Variants in ERBB2 observed in about 807,000 individuals in gnomAD.
ERBB2 encodes receptor tyrosine-protein kinase erbB-2.
In ERBB2, 61 loss-of-function variants were observed where a neutral mutation model predicts 149.0. That is an observed-to-expected ratio of 0.41 (90% CI 0.33 to 0.51). The LOEUF (loss-of-function observed/expected upper bound fraction) is 0.51. ERBB2 is among the 20% of genes least tolerant of loss of function. The pLI is 0.25. For synonymous variants in ERBB2, 633 were observed against 678.8 expected (o/e 0.93, Z 1.05); for missense variants, 1,205 against 1,655.1 (o/e 0.73, Z 4.72).
At chr17:39,707,541 T>G in intron 2 of ERBB2, 1 of 168,916 alleles carries the variant, frequency 5.9e-6, no homozygotes, top group East Asian at 1.6e-4. Context: ...TACACCCCCT[T>G]AGCTTCACTG....
At chr17:39,694,637 G>A (rs1225263493), upstream of ERBB2, 1 of 152,150 alleles carries the variant, frequency 6.6e-6, no homozygotes, top group Non-Finnish European at 1.5e-5. Flanking sequence ...ATTGTCCCCT[G>A]AAATCAAGAC....
At chr17:39,720,034 A>G in intron 16 of ERBB2, 200 bp downstream of exon 16, 1 of 588,916 alleles carries the variant, frequency 1.7e-6, no homozygotes, top group Non-Finnish European at 3.1e-6. Context: ...ACTGCAAGGA[A>G]AGATGGCTAG....
chr17:39,691,558 T>A (rs201797794), upstream of ERBB2, among the ~76,000 whole-genome samples: 17,449 of 72,114 alleles, frequency 0.24, 2,470 homozygotes, highest in African/African-American at 0.46. Context: ...AAAAAAAAAA[T>A]ATATATATAT....
At chr17:39,715,419 T>C (rs1241403584) in intron 10 of ERBB2, 27 bp from the exon 11 acceptor site, 2 of 1,613,732 alleles carry the variant, frequency 1.2e-6, no homozygotes, top group Non-Finnish European at 1.7e-6. Context: ...CTGTCCCCAC[T>C]CCTTTAATCT....
intron 15 of ERBB2, 71 bp from the exon 16 acceptor site, chr17:39,719,716 T>C (rs2059345797): frequency 1.3e-6 from 2 of 1,495,272 alleles, no homozygotes; most frequent in Non-Finnish European, 1.9e-6. Flanking sequence ...CCCAGGGTTG[T>C]TGTGAGGCTG....
rs147382623 is a variant in ERBB2, at chr17:39,715,524, G to A, written c.1301G>A (p.Arg434Gln). 1.8e-5 allele frequency: 29 copies of A among 1,614,032 alleles called. No homozygotes were observed. Among genetic ancestry groups the A allele is most frequent in the African/African-American group, 2.7e-5 (2 of 74,936 alleles). ...CAGAACCTGCAAGTAATCCGGGGAC[G>A]AATTCTGCACAAGTGAGCACTGAGA... ...VFQNLQVIRG[R>Q]ILHNGAYSLT... Residue 434 changes from arginine to glutamine, a missense_variant, in exon 11 of 27, where the codon CGA becomes CAA. Transcript: ENST00000269571.
Position 39,716,183 on chromosome 17 carries a change from C to T in ERBB2, c.1514-118C>T, listed in dbSNP as rs544804690. ...CTCAGAACTCTTCCTCTCCCTACAT[C>T]GGCCCCACCTGTCCCCACCCCTCCA... On this transcript the variant is annotated intron_variant, in intron 12 of 26. Transcript: ENST00000269571. 3.3e-4 allele frequency: 379 copies of T among 1,159,378 alleles called. 2 individuals carry two copies. In the African/African-American group the frequency reaches 5.1e-3, roughly 15 times the overall value. The allele number at this position is 1,159,378 out of a possible 1,614,324, so 71.8% of individuals were successfully genotyped here. A position where few individuals can be genotyped will look rare whatever the true frequency, so the allele number is the denominator to read the frequency against.
At chr17:39,699,708 A>G (rs2057973377), upstream of ERBB2, 3 of 734,360 alleles carry the variant, frequency 4.1e-6, no homozygotes, top group South Asian at 3.2e-5. Context: ...CTCCCCAGGA[A>G]AGTTTAAGAT....
chr17:39,700,336 G>A lies in ERBB2; in HGVS notation c.73+25G>A, dbSNP rs183744676. On this transcript the variant is annotated intron_variant, in intron 1 of 26. Coordinates refer to ENST00000269571, the MANE Select transcript of ERBB2 (RefSeq NM_004448.4). ...GGTGGGTCTGGTGTGGGGAGGGGACGGAGCAGCGGCGGGACCCTGCCCTGT... is the reference window on the plus strand; with the variant it reads ...GGTGGGTCTGGTGTGGGGAGGGGACAGAGCAGCGGCGGGACCCTGCCCTGT... The A allele has an allele frequency of 1.6e-4, 216 of 1,340,730 alleles. 2 individuals are homozygous for A. The East Asian group carries it at 5.7e-3, about 36-fold the overall frequency. 83.1% of individuals were successfully genotyped at this position (1,340,730 alleles called of 1,614,324 possible).
intron 2 of ERBB2, among the ~76,000 whole-genome samples, chr17:39,689,708 C>T (rs2057649616): frequency 6.6e-6 from 1 of 151,960 alleles, no homozygotes; most frequent in South Asian, 2.1e-4. Flanking sequence ...GAGTTTGAGA[C>T]CAGCCTGACC....
At chr17:39,691,686 A>G (rs2145191985), upstream of ERBB2, among the ~76,000 whole-genome samples, 1 of 149,346 alleles carries the variant, frequency 6.7e-6, no homozygotes, top group Non-Finnish European at 1.5e-5. Flanking sequence ...GTTTAAGTAC[A>G]GTTATTTGTG....
At chr17:39,711,262 G>T (rs961967867) in intron 7 of ERBB2, among the ~76,000 whole-genome samples, 1 of 151,978 alleles carries the variant, frequency 6.6e-6, no homozygotes, top group Non-Finnish European at 1.5e-5. Context: ...TGCAATTTTG[G>T]CTCACTGCAA....
Position 39,727,496 on chromosome 17 carries a change from C to A in ERBB2, c.3361C>A (p.Pro1121Thr), listed in dbSNP as rs2143254884. 6.2e-7 allele frequency: 1 copy of A among 1,606,616 alleles called. No individual in the cohort carries two copies. The highest frequency in any genetic ancestry group is 8.5e-7 in the Non-Finnish European group (1 of 1,177,852). ...RYSEDPTVPL[P>T]SETDGYVAPL... is the part of the protein sequence containing the mutation. ...CAGTGAGGACCCCACAGTACCCCTG[C>A]CCTCTGAGACTGATGGCTACGTTGC... Residue 1121 changes from proline to threonine, a missense_variant, in exon 26 of 27, where the codon CCC becomes ACC. Physicochemically the swap from Pro to Thr is conservative, Grantham distance 38. This residue lies in a region of ERBB2 where 312 missense variants were observed against 343.8 expected (regional missense o/e 0.91). Coordinates refer to ENST00000269571, the MANE Select transcript of ERBB2 (RefSeq NM_004448.4). This position sits in a 1 kb window ranked among gnomAD's most constrained non-coding sequence, Gnocchi z 4.3.
chr17:39,707,022 C>T lies in ERBB2; in HGVS notation c.106C>T (p.Pro36Ser), dbSNP rs2145405434. 1.2e-6 allele frequency: 2 copies of T among 1,600,984 alleles called. No individual in the cohort carries two copies. The highest frequency in any genetic ancestry group is 2.3e-5 in the East Asian group (1 of 43,528). The change falls in exon 2 of 27, where the codon CCT (proline) becomes TCT (serine). Residue 36 changes from proline to serine, a missense_variant. Coordinates refer to ENST00000269571, the MANE Select transcript of ERBB2 (RefSeq NM_004448.4). ...CTGTDMKLRL[P>S]ASPETHLDML... Reference sequence around the variant, plus strand: ...CGGCACAGACATGAAGCTGCGGCTCCCTGCCAGTCCCGAGACCCACCTGGA... The same window carrying T: ...CGGCACAGACATGAAGCTGCGGCTCTCTGCCAGTCCCGAGACCCACCTGGA...
At position 39,727,076 on chromosome 17, in the gene ERBB2, T is replaced by C; in HGVS notation, c.3159+73T>C. 1 of 1,400,982 alleles carries C rather than the reference T, an allele frequency of 7.1e-7. No homozygotes were observed. The highest frequency in any genetic ancestry group is 2.2e-5 in the Admixed American group (1 of 45,080). The allele number at this position is 1,400,982 out of a possible 1,614,324, so 86.8% of individuals were successfully genotyped here. On this transcript the variant is annotated intron_variant, in intron 25 of 26. Transcript: ENST00000269571. The surrounding 1 kb of genome is among the most constrained non-coding windows in gnomAD (Gnocchi z 4.3). The stretch of plus-strand genomic sequence containing the variant: ...ACCCCGGTGGACTAGGGTCCCTTTC[T>C]CTGATGTTCCCTCAACTGTCACCTC...
chr17:39,696,184 C>T (rs143709318), upstream of ERBB2, among the ~76,000 whole-genome samples: 305 of 152,334 alleles, frequency 2.0e-3, no homozygotes, highest in Non-Finnish European at 3.3e-3. Flanking sequence ...CCCCCTTCCT[C>T]TCCTCTTGTC....
rs763800441 is a variant in ERBB2 at position 39,717,272 on chromosome 17, T to C, written c.1738-48T>C. 6.6e-6 allele frequency: 10 copies of C among 1,520,364 alleles called. No individual in the cohort carries two copies. The South Asian group carries it at 1.2e-4, about 18-fold the overall frequency. The allele number at this position is 1,520,364 out of a possible 1,614,324, so 94.2% of individuals were successfully genotyped here. On this transcript the variant is annotated intron_variant, in intron 14 of 26. Coordinates refer to ENST00000269571, the MANE Select transcript of ERBB2 (RefSeq NM_004448.4). ...AACTAAGGGCCTGATCCTACTGCCCTGGGGGTGTCAGTGCCAGCCCCCCAC... is the reference window on the plus strand; with the variant it reads ...AACTAAGGGCCTGATCCTACTGCCCCGGGGGTGTCAGTGCCAGCCCCCCAC...
intron 4 of ERBB2, 89 bp downstream of exon 4, chr17:39,709,541 C>A (rs2058670571): frequency 6.6e-7 from 1 of 1,510,560 alleles, no homozygotes. Context: ...GCCTGCCCGC[C>A]ACTGCCCCAG....
chr17:39,699,026 G>T (rs1035300737), upstream of ERBB2, among the ~76,000 whole-genome samples: 4 of 152,032 alleles, frequency 2.6e-5, no homozygotes, highest in Admixed American at 6.5e-5. Flanking sequence ...TAGGGTCAGG[G>T]GCTCCAAATA....
Sources: gnomAD v4.1 joint callset for allele counts (sites outside exome capture counted in the v4.1 genomes callset) on GRCh38, gnomAD v4.1.1 for gene constraint, gnomAD v4.1.1 regional missense constraint, Gnocchi (gnomAD v3.1) non-coding constraint, MANE v1.5 for transcripts, NCBI Gene and HGNC (gene_info 2026-07-23, HGNC 2026-07-21) for gene names.